Variants in KRT31 observed in about 807,000 individuals in gnomAD.
KRT31 encodes keratin 31.
Under a neutral mutation model 40.8 loss-of-function variants are expected in KRT31, and 27 were observed. That is an observed-to-expected ratio of 0.66 (90% CI 0.49 to 0.91). The LOEUF (loss-of-function observed/expected upper bound fraction) is 0.91. Among genes scored for constraint, KRT31 ranks in the 40% least tolerant of loss-of-function variants. The pLI is 0.00. For missense variants in KRT31, 510 were observed against 544.1 expected, an observed-to-expected ratio of 0.94 and a Z score of 0.62; for synonymous variants, 231 against 231.9, an observed-to-expected ratio of 1.00 and a Z score of 0.03.
chr17:41,395,466 G>T lies in KRT31; in HGVS notation c.746C>A (p.Thr249Lys). ...NRREVEQWFTTQTEELNKQVV... is the reference protein window; with the variant it reads ...NRREVEQWFTKQTEELNKQVV... ...GCCACGTGCTTAGATGCCCACCTGC[G>T]TGGTGAACCATTGCTCCACTTCCCT... is the stretch of plus-strand genomic sequence containing the variant. Residue 249 changes from threonine to lysine, a missense_variant, in exon 4 of 7, where the codon ACG (threonine) becomes AAG (lysine). Coordinates refer to ENST00000251645, the MANE Select transcript of KRT31 (RefSeq NM_002277.3). 1 of 1,614,164 alleles carries T rather than the reference G, an allele frequency of 6.2e-7. No homozygotes were observed. The highest frequency in any genetic ancestry group is 8.5e-7 in the Non-Finnish European group (1 of 1,180,028).
chr17:41,393,903 G>A lies in KRT31; in HGVS notation c.*113C>T. The A allele has an allele frequency of 1.6e-6, 2 of 1,234,604 alleles. No homozygotes were observed. Among genetic ancestry groups the A allele is most frequent in the Non-Finnish European group, 2.2e-6 (2 of 905,818 alleles). 76.5% of individuals were successfully genotyped at this position (1,234,604 alleles called of 1,614,324 possible). On this transcript the variant is annotated 3_prime_UTR_variant, in exon 7 of 7. Coordinates refer to ENST00000251645, the MANE Select transcript of KRT31 (RefSeq NM_002277.3). ...TGAGTTTCTTGGCTGCCTTACGCGGGCAACTCCAGCCATGCAAATGATGTT... is the reference window on the plus strand; with the variant it reads ...TGAGTTTCTTGGCTGCCTTACGCGGACAACTCCAGCCATGCAAATGATGTT...
Position 41,397,206 on chromosome 17 carries a change from C to T in KRT31, c.334G>A (p.Glu112Lys). ...ATGCCGCTCACCTTCTGCTGGAGCT[C>T]CTCAATGGTCTTAAAATAGGACTGG... ...SYQSYFKTIEELQQKILCTKS... is the reference protein window; with the variant it reads ...SYQSYFKTIEKLQQKILCTKS... Residue 112 changes from glutamate to lysine, a missense_variant, in exon 1 of 7, where the codon GAG (glutamate) becomes AAG (lysine). Coordinates refer to ENST00000251645, the MANE Select transcript of KRT31 (RefSeq NM_002277.3). 6.2e-7 allele frequency: 1 copy of T among 1,614,144 alleles called. No individual in the cohort carries two copies. Among genetic ancestry groups the T allele is most frequent in the Non-Finnish European group, 8.5e-7 (1 of 1,179,984 alleles).
In KRT31 at chr17:41,395,601, T is replaced by C; in HGVS notation, c.611A>G (p.Gln204Arg). 6.2e-7 allele frequency: 1 copy of C among 1,614,210 alleles called. No individual in the cohort carries two copies. Among genetic ancestry groups the C allele is most frequent in the South Asian group, 1.1e-5 (1 of 91,086 alleles). ...CTCCACATTGAGGCGGTCTCCAAGC[T>C]GGCAGCGCAGGGTATTGACCTCCTA... ...HEQEVNTLRC[Q>R]LGDRLNVEVD... Residue 204 changes from glutamine to arginine, a missense_variant, in exon 4 of 7, where the codon CAG (glutamine) becomes CGG (arginine). Physicochemically the swap from Gln to Arg is conservative, Grantham distance 43. Transcript: ENST00000251645.
At position 41,395,312 on chromosome 17, in the gene KRT31, G is replaced by A. The variant is rs147688319; in HGVS notation, c.809C>T (p.Ala270Val). ...TGTGCGTCTCAGCTCGATGATCTCC[G>A]CCTGGTAGGACTGCAGCTGCTCTGA... Reference protein sequence around the residue: ...SSSEQLQSYQAEIIELRRTVN... With the variant: ...SSSEQLQSYQVEIIELRRTVN... The change falls in exon 5 of 7, where the codon GCG (alanine) becomes GTG (valine). Residue 270 changes from alanine (A) to valine (V), a missense_variant. Transcript: ENST00000251645. The A allele has an allele frequency of 4.1e-5, 66 of 1,613,520 alleles. No individual in the cohort carries two copies. Among genetic ancestry groups the A allele is most frequent in the East Asian group, 2.5e-4 (11 of 44,892 alleles).
chr17:41,395,420 G>T (rs772719894), intron 4 of KRT31, 42 bp downstream of exon 4: 4 of 1,613,828 alleles, frequency 2.5e-6, no homozygotes, highest in Non-Finnish European at 3.4e-6. Context: ...CGGGGCCCTG[G>T]GGGGCCTTGG....
chr17:41,396,811 T>A, intron 2 of KRT31, 102 bp downstream of exon 2: 1 of 1,142,772 alleles, frequency 8.8e-7, no homozygotes. Flanking sequence ...CTCTGCAGAA[T>A]CCTTCACAAC....
rs747997953 is a variant in KRT31, at chr17:41,395,027, G to T, written c.918C>A (p.Arg306=). The part of the protein sequence containing the change: ...LENTLTESEA[R]YSSQLSQVQS... ...GCACCTGGGACAGCTGGGAGCTGTA[G>T]CGGGCCTCACTCTCTGTCAGCGTGT... is the stretch of plus-strand genomic sequence containing the variant. Residue 306 remains arginine, a synonymous_variant, in exon 6 of 7, where the codon CGC becomes CGA. Coordinates refer to ENST00000251645, the MANE Select transcript of KRT31 (RefSeq NM_002277.3). 6 of 1,614,262 alleles carry T rather than the reference G, an allele frequency of 3.7e-6. No individual in the cohort carries two copies. The highest frequency in any genetic ancestry group is 5.1e-6 in the Non-Finnish European group (6 of 1,180,046).
Position 41,397,572 on chromosome 17 carries a change from G to T in KRT31, c.-33C>A. The T allele has an allele frequency of 6.4e-7, 1 of 1,568,472 alleles. No individual in the cohort carries two copies. The highest frequency in any genetic ancestry group is 8.6e-7 in the Non-Finnish European group (1 of 1,156,674). On this transcript the variant is annotated 5_prime_UTR_variant, in exon 1 of 7. Coordinates refer to ENST00000251645, the MANE Select transcript of KRT31 (RefSeq NM_002277.3). Reference sequence around the variant, plus strand: ...GGAGGGAGGGAGGGAGTGCCTGGCTGAAGACAGAGTCTAAATTCTCCAAGC... The same window carrying T: ...GGAGGGAGGGAGGGAGTGCCTGGCTTAAGACAGAGTCTAAATTCTCCAAGC...
rs762318002 is a variant in KRT31 at position 41,396,546 on chromosome 17, C to T, written c.462G>A (p.Leu154=). 3 of 1,614,042 alleles carry T rather than the reference C, an allele frequency of 1.9e-6. No homozygotes were observed. Among genetic ancestry groups the T allele is most frequent in the Non-Finnish European group, 2.5e-6 (3 of 1,180,016 alleles). ...GCAGACCGTTGATGTCCGACTCCACCAGCTGCCGCAGGGACAGCTCGGTCT... is the reference window on the plus strand; with the variant it reads ...GCAGACCGTTGATGTCCGACTCCACTAGCTGCCGCAGGGACAGCTCGGTCT... ...KYQTELSLRQ[L]VESDINGLRR... Residue 154 remains leucine, a synonymous_variant, in exon 3 of 7, where the codon CTG becomes CTA. Coordinates refer to ENST00000251645, the MANE Select transcript of KRT31 (RefSeq NM_002277.3).
intron 1 of KRT31, 52 bp from the exon 2 acceptor site, chr17:41,397,047 CA>C: frequency 6.3e-7 from 1 of 1,584,168 alleles, no homozygotes; most frequent in Non-Finnish European, 8.6e-7. Context: ...ATGAAATCAT[CA>C]ACTTTTTAAA....
In KRT31 at chr17:41,395,598, A is replaced by G. The variant is rs951135798; in HGVS notation, c.614T>C (p.Leu205Pro). 6.2e-7 allele frequency: 1 copy of G among 1,614,082 alleles called. No homozygotes were observed. The highest frequency in any genetic ancestry group is 8.5e-7 in the Non-Finnish European group (1 of 1,180,024). Residue 205 changes from leucine (L) to proline (P), a missense_variant, in exon 4 of 7, where the codon CTT becomes CCT. Physicochemically the swap from Leu to Pro is moderately conservative, Grantham distance 98. Transcript: ENST00000251645. Reference sequence around the variant, plus strand: ...CACCTCCACATTGAGGCGGTCTCCAAGCTGGCAGCGCAGGGTATTGACCTC... The same window carrying G: ...CACCTCCACATTGAGGCGGTCTCCAGGCTGGCAGCGCAGGGTATTGACCTC... ...EQEVNTLRCQ[L>P]GDRLNVEVDA...
chr17:41,395,607 C>G lies in KRT31; in HGVS notation c.605G>C (p.Arg202Pro), dbSNP rs141617467. 4.3e-6 allele frequency: 7 copies of G among 1,613,962 alleles called. No individual in the cohort carries two copies. Among genetic ancestry groups the G allele is most frequent in the Non-Finnish European group, 5.9e-6 (7 of 1,179,958 alleles). Residue 202 changes from arginine (R) to proline (P), a missense_variant, in exon 4 of 7, where the codon CGC becomes CCC. Coordinates refer to ENST00000251645, the MANE Select transcript of KRT31 (RefSeq NM_002277.3). ...SNHEQEVNTL[R>P]CQLGDRLNVE... The stretch of plus-strand genomic sequence containing the variant: ...ATTGAGGCGGTCTCCAAGCTGGCAG[C>G]GCAGGGTATTGACCTCCTATGGATG...
rs1240304819 is a variant in KRT31 at position 41,394,157 on chromosome 17, A to G, written c.1110T>C (p.Asn370=). The change falls in exon 7 of 7, where the codon AAT becomes AAC. Residue 370 remains asparagine (N), a synonymous_variant. Transcript: ENST00000251645. ...LESEDCNLPS[N]PCATTNACSK... ...TGCACGCGTTGGTCGTGGCACAGGGATTGCTGGGCAGACTGGAGACAAAAG... is the reference window on the plus strand; with the variant it reads ...TGCACGCGTTGGTCGTGGCACAGGGGTTGCTGGGCAGACTGGAGACAAAAG... 1.2e-6 allele frequency: 2 copies of G among 1,610,926 alleles called. No individual in the cohort carries two copies. Among genetic ancestry groups the G allele is most frequent in the Admixed American group, 1.7e-5 (1 of 59,038 alleles).
In KRT31 at chr17:41,394,987, T is replaced by C; in HGVS notation, c.958A>G (p.Asn320Asp). The C allele has an allele frequency of 6.2e-7, 1 of 1,614,242 alleles. No homozygotes were observed. Among genetic ancestry groups the C allele is most frequent in the Non-Finnish European group, 8.5e-7 (1 of 1,180,048 alleles). ...QLSQVQSLITNVESQLAEIRS... is the reference protein window; with the variant it reads ...QLSQVQSLITDVESQLAEIRS... Reference sequence around the variant, plus strand: ...ATCTCCGCCAGCTGGGACTCCACGTTGGTGATCAGGCTCTGCACCTGGGAC... The same window carrying C: ...ATCTCCGCCAGCTGGGACTCCACGTCGGTGATCAGGCTCTGCACCTGGGAC... The change falls in exon 6 of 7, where the codon AAC (asparagine) becomes GAC (aspartate). Residue 320 changes from asparagine to aspartate, a missense_variant. By Grantham distance (23) the Asn-to-Asp change is conservative. Transcript: ENST00000251645.
In KRT31 at chr17:41,396,687, C is replaced by T. The variant is rs1231271567; in HGVS notation, c.432-111G>A. 4.6e-6 allele frequency: 6 copies of T among 1,294,512 alleles called. No individual in the cohort carries two copies. The African/African-American group carries it at 5.9e-5, about 13-fold the overall frequency. 80.2% of individuals were successfully genotyped at this position (1,294,512 alleles called of 1,614,324 possible). The stretch of plus-strand genomic sequence containing the variant: ...TTCCACTTTCTGTAATGAATAGGCC[C>T]AGGAGACAGAGGTTTCTGGAGGCTC... On this transcript the variant is annotated intron_variant, in intron 2 of 6. Coordinates refer to ENST00000251645, the MANE Select transcript of KRT31 (RefSeq NM_002277.3).
chr17:41,394,938 T>C lies in KRT31; in HGVS notation c.1007A>G (p.Asn336Ser). Residue 336 changes from asparagine (N) to serine (S), a missense_variant, in exon 6 of 7, where the codon AAC becomes AGC. Transcript: ENST00000251645. ...AEIRSDLERQ[N>S]QEYQVLLDVR... is the part of the protein sequence containing the mutation. ...ATCCAGCAGCACCTGGTACTCCTGGTTCTGCCGCTCCAGGTCACTGCGGAT... is the reference window on the plus strand; with the variant it reads ...ATCCAGCAGCACCTGGTACTCCTGGCTCTGCCGCTCCAGGTCACTGCGGAT... 1.2e-6 allele frequency: 2 copies of C among 1,614,214 alleles called. No individual in the cohort carries two copies. Among genetic ancestry groups the C allele is most frequent in the Non-Finnish European group, 1.7e-6 (2 of 1,180,032 alleles).
intron 4 of KRT31, 42 bp downstream of exon 4, chr17:41,395,420 G>A: frequency 6.2e-7 from 1 of 1,613,946 alleles, no homozygotes; most frequent in Non-Finnish European, 8.5e-7. Flanking sequence ...CGGGGCCCTG[G>A]GGGGCCTTGG....
chr17:41,396,899 T>C lies in KRT31; in HGVS notation c.431+14A>G. On this transcript the variant is annotated intron_variant, in intron 2 of 6. Coordinates refer to ENST00000251645, the MANE Select transcript of KRT31 (RefSeq NM_002277.3). ...AGAAGCAATTGACACTAGTGCAAATTCCGAACAACTCACTTGGTTCTGAAA... is the reference window on the plus strand; with the variant it reads ...AGAAGCAATTGACACTAGTGCAAATCCCGAACAACTCACTTGGTTCTGAAA... 1 of 1,606,378 alleles carries C rather than the reference T, an allele frequency of 6.2e-7. No individual in the cohort carries two copies. The highest frequency in any genetic ancestry group is 8.5e-7 in the Non-Finnish European group (1 of 1,173,024).
At position 41,394,829 on chromosome 17, in the gene KRT31, C is replaced by T. The variant is rs922224076; in HGVS notation, c.1097+19G>A. ...CACACGTGCATCATTTCATCAAACA[C>T]GTCTGCCCATGTACTCACTTGCAGT... is the stretch of plus-strand genomic sequence containing the variant. On this transcript the variant is annotated intron_variant, in intron 6 of 6. Coordinates refer to ENST00000251645, the MANE Select transcript of KRT31 (RefSeq NM_002277.3). The T allele has an allele frequency of 5.0e-6, 8 of 1,613,354 alleles. No individual in the cohort carries two copies. The highest frequency in any genetic ancestry group is 1.7e-4 in the Middle Eastern group (1 of 5,940).
Sources: allele counts gnomAD v4.1 joint callset, GRCh38; gene constraint gnomAD v4.1.1; transcripts MANE v1.5; gene names NCBI Gene and HGNC (gene_info 2026-07-23, HGNC 2026-07-21).